PRLR: variants seen among roughly 807,000 people sequenced by gnomAD.
The protein encoded by PRLR is hPRL receptor.
A neutral mutation model predicts 40.2 loss-of-function variants in PRLR; 13 were observed. That is an observed-to-expected ratio of 0.32 (90% confidence interval 0.21 to 0.51). The LOEUF (loss-of-function observed/expected upper bound fraction) is 0.51. Among genes scored for constraint, PRLR ranks in the 20% least tolerant of loss-of-function variants. PRLR has a pLI of 0.97. For missense variants in PRLR, 656 were observed against 747.3 expected (o/e 0.88, Z 1.42); for synonymous variants, 269 against 278.7 (o/e 0.97, Z 0.35).
intron 1 of PRLR, among the ~76,000 whole-genome samples, chr5:35,189,217 T>C (rs1340295504): frequency 6.6e-6 from 1 of 152,148 alleles, no homozygotes; most frequent in Non-Finnish European, 1.5e-5. Context: ...AGATTCTTCC[T>C]CACAGTACCA....
In PRLR at chr5:35,063,530, A is replaced by T. The variant is rs1475051508; in HGVS notation, c.*1559T>A. The T allele has an allele frequency of 6.6e-6, 1 of 152,186 alleles. No homozygotes were observed. The highest frequency in any genetic ancestry group is 2.4e-5 in the African/African-American group (1 of 41,438). 9.4% of individuals were successfully genotyped at this position (152,186 alleles called of 1,614,324 possible). A position where few individuals can be genotyped will look rare whatever the true frequency, so the allele number is the denominator to read the frequency against. On this transcript the variant is annotated 3_prime_UTR_variant, in exon 10 of 10. Transcript: ENST00000618457. Reference sequence around the variant, plus strand: ...CACTGGAATTGACCGGGAGATTCTCATTACCTTACTCTGACCTTTGGAGCT... The same window carrying T: ...CACTGGAATTGACCGGGAGATTCTCTTTACCTTACTCTGACCTTTGGAGCT...
At chr5:35,091,731 C>A (rs1014537044) in intron 2 of PRLR, among the ~76,000 whole-genome samples, 12 of 152,176 alleles carry the variant, frequency 7.9e-5, no homozygotes, top group Non-Finnish European at 1.5e-4. Flanking sequence ...TCAGCTACTG[C>A]CCTACTTACG....
intron 1 of PRLR, among the ~76,000 whole-genome samples, chr5:35,160,538 T>G (rs1425940415): frequency 2.0e-5 from 3 of 152,222 alleles, no homozygotes; most frequent in Non-Finnish European, 4.4e-5. Context: ...TGTAAAGCCA[T>G]GAGAGAGCCC....
chr5:35,089,964 C>T (rs745488396), intron 2 of PRLR, among the ~76,000 whole-genome samples: 1 of 152,144 alleles, frequency 6.6e-6, no homozygotes, highest in Non-Finnish European at 1.5e-5. Flanking sequence ...GTTCTCTTTC[C>T]ACCCCATAGC....
intron 1 of PRLR, among the ~76,000 whole-genome samples, chr5:35,225,523 G>A (rs897153564): frequency 6.6e-6 from 1 of 152,136 alleles, no homozygotes; most frequent in Non-Finnish European, 1.5e-5. Flanking sequence ...CTATTCAACG[G>A]AAATATCATG....
chr5:35,174,787 T>C (rs569593547), intron 1 of PRLR, among the ~76,000 whole-genome samples: 6 of 152,306 alleles, frequency 3.9e-5, no homozygotes, highest in African/African-American at 1.2e-4. Context: ...GAATTTCTTG[T>C]CTCTGCCTTT....
chr5:35,098,074 C>T (rs1320787015), intron 2 of PRLR, among the ~76,000 whole-genome samples: 1 of 152,186 alleles, frequency 6.6e-6, no homozygotes, highest in Non-Finnish European at 1.5e-5. Flanking sequence ...TATTCCTACC[C>T]ACTGTCATGG....
At chr5:35,201,125 A>C (rs1178590916) in intron 1 of PRLR, among the ~76,000 whole-genome samples, 1 of 152,166 alleles carries the variant, frequency 6.6e-6, no homozygotes, top group Non-Finnish European at 1.5e-5. Context: ...GGTGACAATA[A>C]AGATAGTACT....
chr5:35,065,769 T>A lies in PRLR; in HGVS notation c.1189A>T (p.Ile397Leu). The change falls in exon 10 of 10, where the codon ATA (isoleucine) becomes TTA (leucine). Residue 397 changes from isoleucine (I) to leucine (L), a missense_variant. Coordinates refer to ENST00000618457, the MANE Select transcript of PRLR (RefSeq NM_000949.7). ...TAGGGGATTTTGCCTTCCATGCTTATGCACTGGGGGTCCCAGGTGTGGGTT... is the reference window on the plus strand; with the variant it reads ...TAGGGGATTTTGCCTTCCATGCTTAAGCACTGGGGGTCCCAGGTGTGGGTT... ...ETTHTWDPQCISMEGKIPYFH... is the reference protein window; with the variant it reads ...ETTHTWDPQCLSMEGKIPYFH... 5.6e-6 allele frequency: 9 copies of A among 1,614,120 alleles called. 1 individual carries two copies. The South Asian group carries it at 9.9e-5, about 18-fold the overall frequency.
At chr5:35,077,273 C>T (rs954785341) in intron 5 of PRLR, among the ~76,000 whole-genome samples, 1 of 151,990 alleles carries the variant, frequency 6.6e-6, no homozygotes, top group Admixed American at 6.5e-5. Context: ...GAGTTAAGAC[C>T]CATCAGTGTG....
rs1239343545 is a variant in PRLR, at chr5:35,118,103, T to C, written c.-86A>G. The C allele has an allele frequency of 1.1e-5, 11 of 985,484 alleles. No individual in the cohort carries two copies. Among genetic ancestry groups the C allele is most frequent in the Non-Finnish European group, 1.1e-5 (9 of 829,764 alleles). 61.0% of individuals were successfully genotyped at this position (985,484 alleles called of 1,614,324 possible). ...AAAGCATCCTCAGTGTTCGCCTCCA[T>C]GAATAGGAGAGTTCTTTAGCTGAAA... On this transcript the variant is annotated 5_prime_UTR_variant, in exon 2 of 10. An upstream start codon of the reference 5' UTR is lost. Transcript: ENST00000618457.
chr5:35,078,476 C>T lies in PRLR; in HGVS notation c.374-5732G>A, dbSNP rs567607277. Among the ~76,000 whole-genome samples the T allele has an allele frequency of 6.6e-4, 101 of 152,130 alleles. 1 individual carries two copies. The highest frequency in any genetic ancestry group is 3.4e-3 in the Middle Eastern group (1 of 294). ...TAGAAGAAATGGATAAATTCCTGGA[C>T]GCGTACACCCTCCCAAGACTAAACC... On this transcript the variant is annotated intron_variant, in intron 5 of 9. Transcript: ENST00000618457.
chr5:35,127,828 AG>A (rs1406286581), intron 1 of PRLR, among the ~76,000 whole-genome samples: 1 of 152,166 alleles, frequency 6.6e-6, no homozygotes, highest in African/African-American at 2.4e-5. Flanking sequence ...AAGGTGGATG[AG>A]TGGTTGCCAG....
At position 35,065,209 on chromosome 5, in the gene PRLR, A is replaced by C. The variant is rs763436553; in HGVS notation, c.1749T>G (p.Leu583=). 3.7e-6 allele frequency: 6 copies of C among 1,614,102 alleles called. No individual in the cohort carries two copies. In the Admixed American group the frequency reaches 8.3e-5, roughly 22 times the overall value. The change falls in exon 10 of 10, where the codon CTT becomes CTG. Residue 583 remains leucine, a synonymous_variant. Transcript: ENST00000618457. ...EESAKEAPPS[L]EQNQAEKALA... is the part of the protein sequence containing the mutation. ...GGGCTTTCTCAGCTTGATTCTGTTCAAGTGATGGTGGGGCCTCTTTGGCTG... is the reference window on the plus strand; with the variant it reads ...GGGCTTTCTCAGCTTGATTCTGTTCCAGTGATGGTGGGGCCTCTTTGGCTG...
intron 2 of PRLR, among the ~76,000 whole-genome samples, chr5:35,109,485 A>G (rs189006824): frequency 2.6e-5 from 4 of 152,238 alleles, no homozygotes; most frequent in Non-Finnish European, 5.9e-5. Context: ...AAGGGCTAAT[A>G]TTCAGAATCT....
intron 1 of PRLR, among the ~76,000 whole-genome samples, chr5:35,172,351 C>T (rs1370548068): frequency 6.6e-6 from 1 of 152,110 alleles, no homozygotes; most frequent in African/African-American, 2.4e-5. Flanking sequence ...ATGAGCTTGA[C>T]CCACAGGGAG....
intron 5 of PRLR, among the ~76,000 whole-genome samples, 186 bp downstream of exon 5, chr5:35,084,284 A>G (rs57384170): frequency 0.047 from 7,226 of 152,306 alleles, 568 homozygotes; most frequent in African/African-American, 0.16. Flanking sequence ...CCCAAGTGCC[A>G]GCCTTAGTGT....
At chr5:35,138,612 T>C (rs546927471) in intron 1 of PRLR, among the ~76,000 whole-genome samples, 2 of 152,200 alleles carry the variant, frequency 1.3e-5, no homozygotes, top group African/African-American at 4.8e-5. Flanking sequence ...GTGTAGAGAA[T>C]CAAAAGGAAG....
At chr5:35,208,689 A>C (rs12187337) in intron 1 of PRLR, among the ~76,000 whole-genome samples, 14,647 of 152,234 alleles carry the variant, frequency 0.096, 916 homozygotes, top group Non-Finnish European at 0.13. Context: ...AATATTTATA[A>C]CAAGTATTAT....
Sources: allele counts gnomAD v4.1 joint callset (sites outside exome capture counted in the v4.1 genomes callset), GRCh38; gene constraint gnomAD v4.1.1; transcripts MANE v1.5; gene names NCBI Gene and HGNC (gene_info 2026-07-23, HGNC 2026-07-21).